NIN: variants seen among roughly 807,000 people sequenced by gnomAD.
NIN encodes the protein glycogen synthase kinase 3 beta-interacting protein.
In NIN, 137 loss-of-function variants were observed where a neutral mutation model predicts 257.6. The observed-to-expected ratio is 0.53, with a 90% CI of 0.46 to 0.61. The LOEUF is 0.61. NIN is among the 20% of genes least tolerant of loss of function. The probability of loss-of-function intolerance (pLI) is 0.00; values close to 1 mark genes in which losing one functional copy is unlikely to be tolerated. For synonymous variants in NIN, 918 were observed against 919.8 expected, an observed-to-expected ratio of 1.00 and a Z score of 0.04; for missense variants, 2,439 against 2,501.2, an observed-to-expected ratio of 0.98 and a Z score of 0.53.
At chr14:50,830,975 G>C (rs1357383541) in intron 1 of NIN, 31 bp downstream of exon 1, 2 of 151,398 alleles carry the variant, frequency 1.3e-5, no homozygotes, top group East Asian at 3.9e-4. Flanking sequence ...CCCAGGCCGT[G>C]GGTCCGGGTC....
At chr14:50,786,667 A>G (rs1322717272) in intron 5 of NIN, among the ~76,000 whole-genome samples, 1 of 152,204 alleles carries the variant, frequency 6.6e-6, no homozygotes, top group Non-Finnish European at 1.5e-5. Context: ...AAGACATCAT[A>G]GCCTTTGGTA....
Position 50,792,811 on chromosome 14 carries a change from C to T in NIN, c.336G>A (p.Glu112=). 6.2e-7 allele frequency: 1 copy of T among 1,614,232 alleles called. No homozygotes were observed. Among genetic ancestry groups the T allele is most frequent in the Non-Finnish European group, 8.5e-7 (1 of 1,180,044 alleles). ...GAAACTCCTCCACGGACTCTTGGAA[C>T]TCGGGCAAGGACCTTCGTCCGTAAC... ...GKRYGRRSLP[E]FQESVEEFPE... Residue 112 remains glutamate, a synonymous_variant, in exon 5 of 31, where the codon GAG becomes GAA. Transcript: ENST00000530997.
chr14:50,795,349 G>A (rs983145757), intron 4 of NIN, among the ~76,000 whole-genome samples: 1 of 152,170 alleles, frequency 6.6e-6, no homozygotes, highest in Non-Finnish European at 1.5e-5. Flanking sequence ...TGATACGATG[G>A]GAACAGAGAC....
intron 4 of NIN, among the ~76,000 whole-genome samples, chr14:50,800,048 A>ACACACACACACAC (rs2044026642): frequency 7.0e-6 from 1 of 142,166 alleles, no homozygotes; most frequent in Non-Finnish European, 1.6e-5. Flanking sequence ...ACACACACAC[A>ACACACACACACAC]ACTCCCAAGT....
At position 50,739,453 on chromosome 14, in the gene NIN, C is replaced by T; in HGVS notation, c.5483G>A (p.Gly1828Glu). ...CAGCCTTTTCTGCTGGTTATGGAGC[C>T]CTGATGGATGAGTAGCTATCTCTGG... ...WAPEIATHPS[G>E]LHNQQKRLSW... The change falls in exon 26 of 31, where the codon GGG becomes GAG. Residue 1828 changes from glycine to glutamate, a missense_variant. By Grantham distance (98) the Gly-to-Glu change is moderately conservative (BLOSUM62 -2). Coordinates refer to ENST00000530997, the MANE Select transcript of NIN (RefSeq NM_020921.4). 6.2e-7 allele frequency: 1 copy of T among 1,614,138 alleles called. No homozygotes were observed. The highest frequency in any genetic ancestry group is 8.5e-7 in the Non-Finnish European group (1 of 1,180,020).
chr14:50,744,206 G>A (rs2041428345), intron 23 of NIN, 37 bp downstream of exon 23: 1 of 1,607,588 alleles, frequency 6.2e-7, no homozygotes, highest in Admixed American at 1.7e-5. Context: ...GGTGTGTATT[G>A]TATACGATGA....
chr14:50,743,800 T>C (rs1566794033), intron 23 of NIN, among the ~76,000 whole-genome samples: 1 of 152,070 alleles, frequency 6.6e-6, no homozygotes, highest in Non-Finnish European at 1.5e-5. Context: ...GATGGTAAGC[T>C]GGAAGGCCAT....
chr14:50,795,167 G>A (rs1445438421), intron 4 of NIN, among the ~76,000 whole-genome samples: 1 of 152,110 alleles, frequency 6.6e-6, no homozygotes, highest in East Asian at 1.9e-4. Context: ...AAAGACATTA[G>A]CACACACAAA....
At chr14:50,737,563 T>C (rs1270315157) in intron 27 of NIN, among the ~76,000 whole-genome samples, 1 of 150,406 alleles carries the variant, frequency 6.6e-6, no homozygotes, top group African/African-American at 2.4e-5. Flanking sequence ...ATAAATATTT[T>C]GCCAACTTAT....
At position 50,792,895 on chromosome 14, in the gene NIN, C is replaced by T; in HGVS notation, c.266-14G>A. The T allele has an allele frequency of 1.9e-6, 3 of 1,613,842 alleles. No homozygotes were observed. The highest frequency in any genetic ancestry group is 2.5e-6 in the Non-Finnish European group (3 of 1,179,794). On this transcript the variant is annotated splice_polypyrimidine_tract_variant and intron_variant, in intron 4 of 30. Transcript: ENST00000530997. ...CTAGTGAGCAGTCTGAGAGAGGAGA[C>T]AAGAGTTGAGGCCACATGACATGAG...
intron 12 of NIN, among the ~76,000 whole-genome samples, chr14:50,769,260 A>G (rs1053651360): frequency 2.6e-5 from 4 of 152,172 alleles, no homozygotes; most frequent in Non-Finnish European, 5.9e-5. Flanking sequence ...AACCTGATCA[A>G]AGTTTTCAGT....
intron 9 of NIN, chr14:50,772,087 T>A: frequency 2.1e-6 from 1 of 477,966 alleles, no homozygotes; most frequent in Non-Finnish European, 3.8e-6. Context: ...GTATTTCTCA[T>A]GTCAATAATC....
chr14:50,819,663 T>A (rs1052577666), intron 3 of NIN, among the ~76,000 whole-genome samples: 1 of 152,144 alleles, frequency 6.6e-6, no homozygotes, highest in African/African-American at 2.4e-5. Context: ...CTAATACAGA[T>A]CCCATGCCAT....
rs749448257 is a variant in NIN, at chr14:50,752,708, T to G, written c.4760A>C (p.Gln1587Pro). 176 of 1,596,188 alleles carry G rather than the reference T, an allele frequency of 1.1e-4. No individual in the cohort carries two copies. The highest frequency in any genetic ancestry group is 1.4e-4 in the Non-Finnish European group (165 of 1,172,714). Residue 1587 changes from glutamine (Q) to proline (P), a missense_variant, in exon 21 of 31, where the codon CAA becomes CCA. This residue lies in a region of NIN where 2,043 missense variants were observed against 2,050.2 expected (regional missense o/e 1.00). Transcript: ENST00000530997. ...TTCTGTATTTTCCAAATCCAATTGT[T>G]GGTTTTTGATTTTTAATTCTGAAAT... The part of the protein sequence containing the change: ...KQISELKIKN[Q>P]QLDLENTELS...
intron 10 of NIN, 30 bp downstream of exon 10, chr14:50,771,302 T>A (rs371078718): frequency 3.2e-5 from 51 of 1,610,510 alleles, no homozygotes; most frequent in Non-Finnish European, 3.9e-5. Flanking sequence ...GGAAAGGGAA[T>A]GGGGCAGGCG....
At chr14:50,800,936 C>A (rs2044073082) in intron 4 of NIN, among the ~76,000 whole-genome samples, 1 of 152,030 alleles carries the variant, frequency 6.6e-6, no homozygotes, top group Non-Finnish European at 1.5e-5. Flanking sequence ...GCGTGCACCA[C>A]CACGCCCAGC....
chr14:50,740,547 A>G (rs947657741), intron 25 of NIN, among the ~76,000 whole-genome samples: 1 of 151,916 alleles, frequency 6.6e-6, no homozygotes, highest in Admixed American at 6.6e-5. Context: ...ATGGGGTTTC[A>G]ACATGTTGGG....
chr14:50,808,146 C>T (rs1037141557), intron 3 of NIN, among the ~76,000 whole-genome samples: 1 of 152,298 alleles, frequency 6.6e-6, no homozygotes, highest in East Asian at 1.9e-4. Flanking sequence ...AAACCAGGCA[C>T]CTGCTGAAGA....
Position 50,756,643 on chromosome 14 carries a change from C to G in NIN, c.4387G>C (p.Glu1463Gln). ...CTCTCCTTCAACTTCCTAGTCAGCT[C>G]CTGTAACTTTGTTTTCTCCAGTTCT... ...ELELEKTKLQ[E>Q]LTRKLKERVT... is the part of the protein sequence containing the mutation. The change falls in exon 18 of 31, where the codon GAG becomes CAG. Residue 1463 changes from glutamate to glutamine, a missense_variant. By Grantham distance (29) the Glu-to-Gln change is conservative. Coordinates refer to ENST00000530997, the MANE Select transcript of NIN (RefSeq NM_020921.4). 1 of 1,555,560 alleles carries G rather than the reference C, an allele frequency of 6.4e-7. No homozygotes were observed. The highest frequency in any genetic ancestry group is 8.7e-7 in the Non-Finnish European group (1 of 1,148,624).
Sources: gnomAD v4.1 joint callset for allele counts (sites outside exome capture counted in the v4.1 genomes callset) on GRCh38, gnomAD v4.1.1 for gene constraint, gnomAD v4.1.1 regional missense constraint, MANE v1.5 for transcripts, NCBI Gene and HGNC (gene_info 2026-07-23, HGNC 2026-07-21) for gene names.